The following TTC23L variants were observed in gnomAD, a reference collection of about 807,000 sequenced individuals.
TTC23L encodes tetratricopeptide repeat domain 23 like.
Under a neutral mutation model 48.1 loss-of-function variants are expected in TTC23L, and 42 were observed. The observed-to-expected ratio is 0.87, with a 90% CI of 0.68 to 1.13. The LOEUF (loss-of-function observed/expected upper bound fraction) is 1.13, where lower values mean the gene tolerates loss of function less well. Ranked by LOEUF, TTC23L falls within the 50% of genes most tolerant of loss-of-function variation. The probability of loss-of-function intolerance (pLI) is 0.00; values close to 1 mark genes in which losing one functional copy is unlikely to be tolerated. For missense variants in TTC23L, 391 were observed against 421.0 expected (o/e 0.93, Z 0.62); for synonymous variants, 159 against 157.2 (o/e 1.01, Z -0.09).
the TTC23L span, chr5:34,918,339 CT>C: frequency 8.3e-7 from 1 of 1,212,036 alleles, no homozygotes; most frequent in African/African-American, 1.5e-5. Context: ...ATTTTAAAAT[CT>C]TTTAACATTT....
the TTC23L span, among the ~76,000 whole-genome samples, chr5:34,924,276 A>G: frequency 6.6e-6 from 1 of 152,378 alleles, no homozygotes; most frequent in Admixed American, 6.5e-5. Context: ...TCTTTTCTGC[A>G]TATTTTATAT....
intron 2 of TTC23L, among the ~76,000 whole-genome samples, chr5:34,842,556 C>T (rs1301465277): frequency 6.6e-6 from 1 of 151,988 alleles, no homozygotes; most frequent in African/African-American, 2.4e-5. Flanking sequence ...TGTACACAGC[C>T]CTCTGTATTT....
intron 9 of TTC23L, chr5:34,883,203 CA>C: frequency 6.3e-6 from 1 of 159,092 alleles, no homozygotes. Flanking sequence ...AGGCATTGTC[CA>C]AAAGGGAATA....
chr5:34,910,454 T>G, the TTC23L span, among the ~76,000 whole-genome samples: 1 of 151,392 alleles, frequency 6.6e-6, no homozygotes, highest in African/African-American at 2.4e-5. Flanking sequence ...TTGAGACAGA[T>G]TCTCACTCTG....
At chr5:34,922,653 C>T in the TTC23L span, 6 of 1,588,100 alleles carry the variant, frequency 3.8e-6, no homozygotes, top group Non-Finnish European at 5.2e-6. Flanking sequence ...AATAGTTGTG[C>T]AAAAGTTACA....
chr5:34,892,800 A>G (rs1202286715), intron 9 of TTC23L, among the ~76,000 whole-genome samples: 1 of 152,102 alleles, frequency 6.6e-6, no homozygotes, highest in Non-Finnish European at 1.5e-5. Context: ...AGTGGCCTCG[A>G]GTGGTTGTAG....
intron 9 of TTC23L, among the ~76,000 whole-genome samples, chr5:34,881,122 A>G (rs975415220): frequency 3.9e-5 from 6 of 152,162 alleles, no homozygotes; most frequent in Non-Finnish European, 1.5e-5. Flanking sequence ...GTAAAAAAAT[A>G]TTTTTCTTGT....
chr5:34,852,641 A>G (rs937339900), intron 4 of TTC23L, among the ~76,000 whole-genome samples: 1 of 152,186 alleles, frequency 6.6e-6, no homozygotes, highest in Non-Finnish European at 1.5e-5. Context: ...TGCCCCATTC[A>G]GTATGGAGTG....
chr5:34,879,871 G>A (rs1238738454), intron 8 of TTC23L, among the ~76,000 whole-genome samples: 3 of 152,012 alleles, frequency 2.0e-5, no homozygotes, highest in South Asian at 4.1e-4. Context: ...TGGCGCACAC[G>A]TGTAGTTCCA....
chr5:34,897,010 AG>A (rs1233156097), intron 10 of TTC23L, 135 bp downstream of exon 10: 2 of 534,736 alleles, frequency 3.7e-6, no homozygotes, highest in Admixed American at 3.1e-5. Flanking sequence ...AAATCATTTA[AG>A]GAAAAAAAAA....
intron 4 of TTC23L, among the ~76,000 whole-genome samples, chr5:34,851,654 G>A (rs1311839784): frequency 6.6e-6 from 1 of 152,208 alleles, no homozygotes; most frequent in Non-Finnish European, 1.5e-5. Flanking sequence ...ATTTCAGAGT[G>A]ACCAGGAAGG....
At chr5:34,866,820 A>C in intron 6 of TTC23L, 72 bp from the exon 7 acceptor site, 1 of 1,401,554 alleles carries the variant, frequency 7.1e-7, no homozygotes, top group African/African-American at 1.4e-5. Context: ...TAATTCTTGG[A>C]ATCAGTTCCT....
the TTC23L span, chr5:34,915,530 CCGGCCCTCCACCT>C: frequency 1.8e-6 from 1 of 543,266 alleles, no homozygotes; most frequent in South Asian, 2.8e-5. Flanking sequence ...ACTCTTCAGA[CCGGCCCTCCACCT>C]CGGCCACCGT....
downstream of TTC23L, among the ~76,000 whole-genome samples, chr5:34,900,827 C>T (rs1008655392): frequency 1.3e-5 from 2 of 152,218 alleles, no homozygotes; most frequent in Non-Finnish European, 2.9e-5. Context: ...ATGAAATTTA[C>T]TGGAGAGTTG....
At chr5:34,840,711 G>C (rs1375208386) in exon 2 of TTC23L, 1 of 1,613,790 alleles carries the variant, frequency 6.2e-7, no homozygotes, top group Non-Finnish European at 8.5e-7. Context: ...TGTTAGCAAT[G>C]ACATCGACTG....
At chr5:34,845,816 AG>A in intron 3 of TTC23L, 143 bp downstream of exon 3, 1 of 853,592 alleles carries the variant, frequency 1.2e-6, no homozygotes, top group South Asian at 1.9e-5. Flanking sequence ...AACAAAGCAG[AG>A]CCTACTTAGG....
chr5:34,895,279 C>T (rs1763141414), intron 9 of TTC23L, among the ~76,000 whole-genome samples: 1 of 152,176 alleles, frequency 6.6e-6, no homozygotes, highest in Non-Finnish European at 1.5e-5. Context: ...TTAAGCCCCA[C>T]TTTTCTCTAA....
chr5:34,922,641 G>A, the TTC23L span: 3 of 1,588,904 alleles, frequency 1.9e-6, no homozygotes, highest in Non-Finnish European at 2.6e-6. Context: ...GTAATCTTTT[G>A]AAATAGTTGT....
intron 3 of TTC23L, among the ~76,000 whole-genome samples, chr5:34,846,600 T>TATATATATACACAC (rs61009546): frequency 2.2e-5 from 2 of 92,912 alleles, no homozygotes; most frequent in African/African-American, 5.2e-5. Context: ...TATATATATA[T>TATATATATACACAC]ACACACACAT....
Sources: gnomAD v4.1 joint callset for allele counts (sites outside exome capture counted in the v4.1 genomes callset) on GRCh38, gnomAD v4.1.1 for gene constraint, MANE v1.5 for transcripts, NCBI Gene and HGNC (gene_info 2026-07-23, HGNC 2026-07-21) for gene names.